TOP2B: variants seen among roughly 807,000 people sequenced by gnomAD.
The protein encoded by TOP2B is DNA topoisomerase 2-beta.
In TOP2B, 51 loss-of-function variants were observed where a neutral mutation model predicts 193.5. That is an observed-to-expected ratio of 0.26 (90% CI 0.21 to 0.33). TOP2B has a LOEUF of 0.33. Ranked by LOEUF, TOP2B falls within the 10% of genes least tolerant of loss-of-function variation. The pLI, the probability that TOP2B is intolerant of heterozygous loss-of-function variation, is 1.00. For missense variants in TOP2B, 1,378 were observed against 1,909.3 expected, an observed-to-expected ratio of 0.72 and a Z score of 5.19; for synonymous variants, 634 against 635.7, an observed-to-expected ratio of 1.00 and a Z score of 0.04.
chr3:25,612,050 C>G (rs2125354598), intron 28 of TOP2B, among the ~76,000 whole-genome samples: 1 of 152,156 alleles, frequency 6.6e-6, no homozygotes, highest in Non-Finnish European at 1.5e-5. Flanking sequence ...TCGCACCATT[C>G]TCCTGCCTCA....
rs1171157311 is a variant in TOP2B at position 25,619,976 on chromosome 3, A to G, written c.2949T>C (p.Thr983=). The G allele has an allele frequency of 6.2e-7, 1 of 1,610,172 alleles. No homozygotes were observed. Reference sequence around the variant, plus strand: ...TCACCACAAATTTCACAGTTGTGTCAGTATGATATTCTTTATAATCAGAAA... The same window carrying G: ...TCACCACAAATTTCACAGTTGTGTCGGTATGATATTCTTTATAATCAGAAA... The part of the protein sequence containing the change: ...ALISDYKEYH[T]DTTVKFVVKM... The change falls in exon 23 of 36, where the codon ACT becomes ACC. Residue 983 remains threonine, a synonymous_variant. Transcript: ENST00000264331.
intron 21 of TOP2B, among the ~76,000 whole-genome samples, chr3:25,622,832 G>C (rs1410211386): frequency 1.3e-5 from 2 of 152,082 alleles, no homozygotes; most frequent in East Asian, 3.9e-4. Context: ...GTAGAGACAG[G>C]GTTCTACCTG....
intron 33 of TOP2B, among the ~76,000 whole-genome samples, chr3:25,602,417 A>AAAAAAAAAAAAAAAAAAAAG (rs1702123776): frequency 1.4e-5 from 1 of 69,828 alleles, no homozygotes; most frequent in African/African-American, 7.8e-5. Context: ...AAAGAAAAAG[A>AAAAAAAAAAAAAAAAAAAAG]AAAAAAAAAA....
intron 1 of TOP2B, among the ~76,000 whole-genome samples, chr3:25,652,954 A>G (rs1160051211): frequency 3.3e-5 from 5 of 152,206 alleles, no homozygotes; most frequent in South Asian, 2.1e-4. Context: ...ATTAGAAACG[A>G]AAGGGGACAT....
rs576675356 is a variant in TOP2B, at chr3:25,598,448, A to T, written c.4740T>A (p.Asp1580Glu). 3.1e-6 allele frequency: 5 copies of T among 1,599,816 alleles called. No individual in the cohort carries two copies. Among genetic ancestry groups the T allele is most frequent in the Admixed American group, 3.5e-5 (2 of 56,404 alleles). ...KKPKKTSFDQ[D>E]SDVDIFPSDF... ...CTGAGGGGAAGATGTCCACATCTGA[A>T]TCCTGATCAAAAGATGTCTTCTTCG... The change falls in exon 36 of 36, where the codon GAT becomes GAA. Residue 1580 changes from aspartate to glutamate, a missense_variant. Transcript: ENST00000264331.
Position 25,635,985 on chromosome 3 carries a change from G to A in TOP2B, c.803C>T (p.Ala268Val). ...GACCTTGACCCCTCTACACGAACCA[G>A]CCAAATCATATGCCCTTCTAGTCAT... Reference protein sequence around the residue: ...ALMTRRAYDLAGSCRGVKVMF... With the variant: ...ALMTRRAYDLVGSCRGVKVMF... Residue 268 changes from alanine to valine, a missense_variant, in exon 7 of 36, where the codon GCT becomes GTT. Physicochemically the swap from Ala to Val is moderately conservative, Grantham distance 64 (BLOSUM62 0). Transcript: ENST00000264331. The A allele has an allele frequency of 6.2e-7, 1 of 1,613,356 alleles. No individual in the cohort carries two copies. The highest frequency in any genetic ancestry group is 2.2e-5 in the East Asian group (1 of 44,848).
chr3:25,612,596 G>A lies in TOP2B; in HGVS notation c.3705C>T (p.Pro1235=), dbSNP rs755240841. The change falls in exon 28 of 36, where the codon CCC becomes CCT. Residue 1235 remains proline, a synonymous_variant. Coordinates refer to ENST00000264331, the MANE Select transcript of TOP2B (RefSeq NM_001330700.2). ...VKKLQLEETM[P]SPYGRRIIPE... ...GAATTATTCTTCTGCCATAAGGTGA[G>A]GGCATTGTCTCTTCCAACTGGAGTT... is the stretch of plus-strand genomic sequence containing the variant. 3.1e-6 allele frequency: 5 copies of A among 1,613,616 alleles called. No individual in the cohort carries two copies. Among genetic ancestry groups the A allele is most frequent in the Non-Finnish European group, 3.4e-6 (4 of 1,179,804 alleles).
intron 4 of TOP2B, among the ~76,000 whole-genome samples, chr3:25,640,183 T>C (rs1000334414): frequency 2.0e-5 from 3 of 152,194 alleles, no homozygotes; most frequent in African/African-American, 7.2e-5. Context: ...GTATATGTGG[T>C]AAAAAATGAC....
chr3:25,657,357 C>A (rs895323864), intron 1 of TOP2B, among the ~76,000 whole-genome samples: 1 of 152,104 alleles, frequency 6.6e-6, no homozygotes, highest in African/African-American at 2.4e-5. Context: ...CCACCTTTGG[C>A]CTTAGAAGAG....
intron 33 of TOP2B, among the ~76,000 whole-genome samples, chr3:25,603,786 C>G (rs1250453746): frequency 6.6e-6 from 1 of 152,214 alleles, no homozygotes; most frequent in Non-Finnish European, 1.5e-5. Context: ...GTGTGAAACA[C>G]ACATCCCACA....
chr3:25,604,073 T>C lies in TOP2B; in HGVS notation c.4489+687A>G, dbSNP rs115171722. On this transcript the variant is annotated intron_variant, in intron 33 of 35. Transcript: ENST00000264331. ...TCAGAATAAGCAGGACTTTTCAAAA[T>C]TGTTGTTCTGCTACATTCAATACAT... Among the ~76,000 whole-genome samples, 369 of 152,352 alleles carry C rather than the reference T, an allele frequency of 2.4e-3. 4 individuals carry two copies. The highest frequency in any genetic ancestry group is 8.5e-3 in the African/African-American group (354 of 41,582).
At chr3:25,645,042 C>A (rs549151932) in intron 2 of TOP2B, among the ~76,000 whole-genome samples, 1 of 151,724 alleles carries the variant, frequency 6.6e-6, no homozygotes, top group Admixed American at 6.6e-5. Context: ...GATCTCCTGA[C>A]CTTGTGATCC....
chr3:25,609,317 G>A lies in TOP2B; in HGVS notation c.3959C>T (p.Ser1320Leu). The change falls in exon 30 of 36, where the codon TCA becomes TTA. Residue 1320 changes from serine (S) to leucine (L), a missense_variant. Physicochemically the swap from Ser to Leu is moderately radical, Grantham distance 145. Transcript: ENST00000264331. The part of the protein sequence containing the change: ...PGTRVRKTPT[S>L]SGKPSAKKVK... Reference sequence around the variant, plus strand: ...TTTCTTTGCACTAGGTTTACCAGATGATGTAGGTGTTTTTCTCACTCTGGT... The same window carrying A: ...TTTCTTTGCACTAGGTTTACCAGATAATGTAGGTGTTTTTCTCACTCTGGT... 6.3e-7 allele frequency: 1 copy of A among 1,596,728 alleles called. No homozygotes were observed. Among genetic ancestry groups the A allele is most frequent in the Non-Finnish European group, 8.5e-7 (1 of 1,169,966 alleles).
intron 1 of TOP2B, among the ~76,000 whole-genome samples, chr3:25,649,806 A>C (rs1384285004): frequency 6.6e-6 from 1 of 152,216 alleles, no homozygotes; most frequent in Non-Finnish European, 1.5e-5. Flanking sequence ...TAACACAAAA[A>C]TACATAACTC....
At chr3:25,634,791 A>AAAC (rs113010977) in intron 7 of TOP2B, among the ~76,000 whole-genome samples, 36,230 of 138,332 alleles carry the variant, frequency 0.26, 5,620 homozygotes, top group East Asian at 0.29. Context: ...AAAAAAAAAA[A>AAAC]AAAAAACCAA....
intron 2 of TOP2B, among the ~76,000 whole-genome samples, chr3:25,644,770 T>C (rs1024104792): frequency 1.3e-5 from 2 of 151,522 alleles, no homozygotes; most frequent in Non-Finnish European, 2.9e-5. Context: ...TATGGCACCA[T>C]TTTACTCTAT....
intron 3 of TOP2B, 56 bp from the exon 4 acceptor site, chr3:25,642,441 G>A: frequency 9.2e-7 from 1 of 1,089,340 alleles, no homozygotes; most frequent in Non-Finnish European, 1.3e-6. Context: ...ATAAATACAT[G>A]GACACAACTG....
intron 28 of TOP2B, 48 bp from the exon 29 acceptor site, chr3:25,609,760 A>T: frequency 1.4e-6 from 2 of 1,421,852 alleles, no homozygotes; most frequent in East Asian, 2.6e-5. Context: ...TAAAAACATC[A>T]CATATTTTAG....
intron 23 of TOP2B, 61 bp downstream of exon 23, chr3:25,619,801 A>T: frequency 7.8e-7 from 1 of 1,288,332 alleles, no homozygotes; most frequent in Non-Finnish European, 1.1e-6. Flanking sequence ...GAAACCAATT[A>T]TAATAATCCG....
Sources: gnomAD v4.1 joint callset for allele counts (sites outside exome capture counted in the v4.1 genomes callset) on GRCh38, gnomAD v4.1.1 for gene constraint, MANE v1.5 for transcripts, NCBI Gene and HGNC (gene_info 2026-07-23, HGNC 2026-07-21) for gene names.